ALKBH4: variants seen among roughly 807,000 people sequenced by gnomAD.
ALKBH4 encodes the protein alpha-ketoglutarate-dependent dioxygenase alkB homolog 4.
Under a neutral mutation model 12.1 loss-of-function variants are expected in ALKBH4, and 8 were observed. That is an observed-to-expected ratio of 0.66 (90% CI 0.39 to 1.19). The LOEUF (loss-of-function observed/expected upper bound fraction) is 1.19, where lower values mean the gene tolerates loss of function less well. Among genes scored for constraint, ALKBH4 ranks in the 50% most tolerant of loss-of-function variants. ALKBH4 has a pLI of 0.01. For synonymous variants in ALKBH4, 195 were observed against 191.6 expected (o/e 1.02, Z -0.15); for missense variants, 403 against 430.4 (o/e 0.94, Z 0.56).
chr7:102,459,566 G>C (rs746720284), intron 2 of ALKBH4, 38 bp downstream of exon 2: 1 of 1,581,544 alleles, frequency 6.3e-7, no homozygotes, highest in East Asian at 2.2e-5. Context: ...TCTCCTCAGC[G>C]CAGCCCAGCA....
chr7:102,463,170 C>T (rs1797838573), intron 1 of ALKBH4, among the ~76,000 whole-genome samples: 1 of 151,758 alleles, frequency 6.6e-6, no homozygotes, highest in African/African-American at 2.4e-5. Flanking sequence ...ATGCTGGTCT[C>T]AAACTCCTGG....
chr7:102,457,209 C>A lies in ALKBH4; in HGVS notation c.*185G>T, dbSNP rs1797673238. 10 of 631,880 alleles carry A rather than the reference C, an allele frequency of 1.6e-5. No homozygotes were observed. Among genetic ancestry groups the A allele is most frequent in the Non-Finnish European group, 2.7e-6 (1 of 376,288 alleles). The allele number at this position is 631,880 out of a possible 1,614,324, so 39.1% of individuals were successfully genotyped here. A position where few individuals can be genotyped will look rare whatever the true frequency, so the allele number is the denominator to read the frequency against. Reference sequence around the variant, plus strand: ...ATAACCAAAAAAGTGTGGCCACGGTCCAGGTGGAAGGGGGCTGCCTGGAGG... The same window carrying A: ...ATAACCAAAAAAGTGTGGCCACGGTACAGGTGGAAGGGGGCTGCCTGGAGG... On this transcript the variant is annotated 3_prime_UTR_variant, in exon 3 of 3. Transcript: ENST00000292566. The surrounding 1 kb of genome is among the most constrained non-coding windows in gnomAD (Gnocchi z 5.9).
rs201606097 is a variant in ALKBH4 at position 102,459,496 on chromosome 7, A to G, written c.321+108T>C. ...GGTCTGGGGAACTCGCCCACTACCA[A>G]CCCTGGAGGTTTGAGGGGTGTGGCT... On this transcript the variant is annotated intron_variant, in intron 2 of 2. Transcript: ENST00000292566. The G allele has an allele frequency of 1.7e-5, 23 of 1,389,982 alleles. No homozygotes were observed. In the East Asian group the frequency reaches 5.3e-4, roughly 32 times the overall value. The allele number at this position is 1,389,982 out of a possible 1,614,324, so 86.1% of individuals were successfully genotyped here.
chr7:102,460,100 G>A (rs1193797644), intron 1 of ALKBH4, among the ~76,000 whole-genome samples: 1 of 151,066 alleles, frequency 6.6e-6, no homozygotes, highest in Non-Finnish European at 1.5e-5. Flanking sequence ...GTTGCAGTGA[G>A]CCAAGATGGC....
At chr7:102,462,482 C>T (rs943589587) in intron 1 of ALKBH4, among the ~76,000 whole-genome samples, 2 of 152,168 alleles carry the variant, frequency 1.3e-5, no homozygotes, top group South Asian at 2.1e-4. Context: ...ATCCTCCCAC[C>T]TCAGCCTCCC....
At chr7:102,458,324 CTT>C (rs1164361613) in intron 2 of ALKBH4, among the ~76,000 whole-genome samples, 1 of 152,186 alleles carries the variant, frequency 6.6e-6, no homozygotes, top group Non-Finnish European at 1.5e-5. Context: ...CATCCTAACA[CTT>C]TGGGAGGCCC....
At chr7:102,460,338 G>GT (rs1554578612) in intron 1 of ALKBH4, among the ~76,000 whole-genome samples, 48 of 136,998 alleles carry the variant, frequency 3.5e-4, no homozygotes, top group African/African-American at 1.2e-3. Context: ...AAAAAAAAAA[G>GT]AAAAAAAAAA....
At chr7:102,458,104 G>T in intron 2 of ALKBH4, 123 bp from the exon 3 acceptor site, 1 of 959,214 alleles carries the variant, frequency 1.0e-6, no homozygotes, top group Non-Finnish European at 1.5e-6. Flanking sequence ...GCTTCATGGA[G>T]GTGAAGCAGG....
chr7:102,459,815 A>G lies in ALKBH4; in HGVS notation c.124-14T>C. The G allele has an allele frequency of 6.3e-7, 1 of 1,578,112 alleles. No individual in the cohort carries two copies. Among genetic ancestry groups the G allele is most frequent in the African/African-American group, 1.3e-5 (1 of 74,100 alleles). On this transcript the variant is annotated splice_polypyrimidine_tract_variant and intron_variant, in intron 1 of 2. Transcript: ENST00000292566. ...ACGGTATGTTTTCTGCAAAAGAAAC[A>G]CAAGTCCACAGGCTGGGCAACACAG...
intron 2 of ALKBH4, chr7:102,459,320 T>G (rs1369502611): frequency 5.9e-6 from 2 of 339,198 alleles, no homozygotes; most frequent in African/African-American, 4.2e-5. Context: ...CGCCTGCAGC[T>G]TGGGAGAATG....
At chr7:102,463,535 A>G (rs914868155) in intron 1 of ALKBH4, among the ~76,000 whole-genome samples, 2 of 149,290 alleles carry the variant, frequency 1.3e-5, no homozygotes, top group African/African-American at 4.9e-5. Flanking sequence ...TCGCCATGTT[A>G]GCCAGGCAGG....
intron 1 of ALKBH4, among the ~76,000 whole-genome samples, chr7:102,464,072 C>T (rs1260302558): frequency 1.3e-5 from 2 of 151,558 alleles, no homozygotes; most frequent in East Asian, 3.8e-4. Flanking sequence ...CCTCATCTCT[C>T]TCACCTGAGG....
At chr7:102,460,727 T>G (rs978523354) in intron 1 of ALKBH4, among the ~76,000 whole-genome samples, 4 of 152,194 alleles carry the variant, frequency 2.6e-5, no homozygotes, top group Admixed American at 2.6e-4. Context: ...ACCTTGAATC[T>G]GTGCACCCTA....
chr7:102,457,224 CT>C lies in ALKBH4; in HGVS notation c.*169del. The C allele has an allele frequency of 1.4e-6, 1 of 703,236 alleles. No individual in the cohort carries two copies. Among genetic ancestry groups the C allele is most frequent in the Non-Finnish European group, 2.3e-6 (1 of 438,358 alleles). 43.6% of individuals were successfully genotyped at this position (703,236 alleles called of 1,614,324 possible). On this transcript the variant is annotated 3_prime_UTR_variant, in exon 3 of 3. Coordinates refer to ENST00000292566, the MANE Select transcript of ALKBH4 (RefSeq NM_017621.4). The surrounding 1 kb of genome is among the most constrained non-coding windows in gnomAD (Gnocchi z 5.9). The stretch of plus-strand genomic sequence containing the variant: ...TGGCCACGGTCCAGGTGGAAGGGGG[CT>C]GCCTGGAGGTACGTTCCCATCAAAA...
In ALKBH4 at chr7:102,457,651, C is replaced by T. The variant is rs532776076; in HGVS notation, c.652G>A (p.Val218Met). Reference protein sequence around the residue: ...SAAPEALVDSVIAPSRSVLCQ... With the variant: ...SAAPEALVDSMIAPSRSVLCQ... ...AGCACCGACCGGCTGGGTGCTATCA[C>T]GCTGTCCACCAAGGCCTCCGGGGCA... is the stretch of plus-strand genomic sequence containing the variant. Residue 218 changes from valine (V) to methionine (M), a missense_variant, in exon 3 of 3, where the codon GTG (valine) becomes ATG (methionine). Coordinates refer to ENST00000292566, the MANE Select transcript of ALKBH4 (RefSeq NM_017621.4). This position sits in a 1 kb window ranked among gnomAD's most constrained non-coding sequence, Gnocchi z 5.9. 87 of 1,572,300 alleles carry T rather than the reference C, an allele frequency of 5.5e-5. 1 individual carries two copies. In the South Asian group the frequency reaches 6.3e-4, roughly 11 times the overall value.
intron 2 of ALKBH4, among the ~76,000 whole-genome samples, chr7:102,458,943 C>T (rs903172942): frequency 1.3e-5 from 2 of 151,820 alleles, no homozygotes; most frequent in African/African-American, 4.8e-5. Flanking sequence ...GTCAGGAGTT[C>T]GAGACCAGCC....
intron 1 of ALKBH4, 76 bp from the exon 2 acceptor site, chr7:102,459,877 G>A (rs1251325412): frequency 3.1e-5 from 43 of 1,395,552 alleles, no homozygotes; most frequent in Non-Finnish European, 4.0e-5. Flanking sequence ...AAACAGGCCA[G>A]GTGCGGTGGC....
chr7:102,464,719 G>A lies in ALKBH4; in HGVS notation c.118C>T (p.Pro40Ser). ...RGSDPPWELP[P>S]AKTYRFIYCS... is the part of the protein sequence containing the mutation. ...GCCCCTCTCCCACCCCTTACCGCTGGGGGCAGCTCCCAGGGCGGGTCACTG... is the reference window on the plus strand; with the variant it reads ...GCCCCTCTCCCACCCCTTACCGCTGAGGGCAGCTCCCAGGGCGGGTCACTG... Residue 40 changes from proline to serine, a missense_variant, in exon 1 of 3, where the codon CCA becomes TCA. Pro to Ser is a moderately conservative substitution (Grantham distance 74). Transcript: ENST00000292566. 6.5e-7 allele frequency: 1 copy of A among 1,547,270 alleles called. No homozygotes were observed. The highest frequency in any genetic ancestry group is 8.7e-7 in the Non-Finnish European group (1 of 1,150,660).
Position 102,457,986 on chromosome 7 carries a change from A to G in ALKBH4, c.322-5T>C, listed in dbSNP as rs763568073. ...GTTGACTTTGGGGCCATAGTCCTGA[A>G]GGATGAAGACAAAGAGGACATGAGG... is the stretch of plus-strand genomic sequence containing the variant. On this transcript the variant is annotated splice_region_variant and splice_polypyrimidine_tract_variant and intron_variant, in intron 2 of 2. Coordinates refer to ENST00000292566, the MANE Select transcript of ALKBH4 (RefSeq NM_017621.4). This position sits in a 1 kb window ranked among gnomAD's most constrained non-coding sequence, Gnocchi z 5.9. 2.5e-5 allele frequency: 40 copies of G among 1,597,644 alleles called. 1 individual carries two copies. Among genetic ancestry groups the G allele is most frequent in the Non-Finnish European group, 3.2e-5 (38 of 1,170,506 alleles).
Sources: allele counts gnomAD v4.1 joint callset (sites outside exome capture counted in the v4.1 genomes callset), GRCh38; gene constraint gnomAD v4.1.1; non-coding constraint Gnocchi (gnomAD v3.1); transcripts MANE v1.5; gene names NCBI Gene and HGNC (gene_info 2026-07-23, HGNC 2026-07-21).